ANKFN1: variants seen among roughly 807,000 people sequenced by gnomAD.
The protein encoded by ANKFN1 is ankyrin repeat and fibronectin type-III domain-containing protein 1.
ANKFN1 carries 74 observed loss-of-function variants against 108.7 expected under a neutral mutation model. The ratio of observed to expected loss-of-function variants is 0.68; its 90% confidence interval spans 0.56 to 0.83. The LOEUF is 0.83. Ranked by LOEUF, ANKFN1 falls within the 40% of genes least tolerant of loss-of-function variation. ANKFN1 has a pLI of 0.00. For synonymous variants in ANKFN1, 547 were observed against 516.2 expected (o/e 1.06, Z -0.81); for missense variants, 1,505 against 1,382.3 (o/e 1.09, Z -1.41).
Position 56,166,517 on chromosome 17 carries a change from C to G in ANKFN1, c.-71+12987C>G, listed in dbSNP as rs1300502773. Among the ~76,000 whole-genome samples the G allele has an allele frequency of 2.6e-5, 4 of 152,296 alleles. No homozygotes were observed. The Middle Eastern group carries it at 0.01, about 389-fold the overall frequency. On this transcript the variant is annotated intron_variant, in intron 1 of 20. Coordinates refer to ENST00000682825, the MANE Select transcript of ANKFN1 (RefSeq NM_001370326.1). ...GGTTGCTTCCTGCTCTAACATTCCA[C>G]AATTCTACAGTCTCTTTCCATCTTA... is the stretch of plus-strand genomic sequence containing the variant.
chr17:56,415,253 G>C (rs1287635773), intron 8 of ANKFN1, among the ~76,000 whole-genome samples: 5 of 152,114 alleles, frequency 3.3e-5, no homozygotes, highest in Non-Finnish European at 4.4e-5. Flanking sequence ...AATTGGAAAG[G>C]GAGAAGGCAA....
At chr17:56,258,686 G>A (rs1468952447) in intron 3 of ANKFN1, among the ~76,000 whole-genome samples, 6 of 152,100 alleles carry the variant, frequency 3.9e-5, no homozygotes, top group Non-Finnish European at 8.8e-5. Flanking sequence ...CGAGGCGGGC[G>A]GATCACGAGG....
intron 3 of ANKFN1, among the ~76,000 whole-genome samples, chr17:56,306,442 CAGAG>C (rs1388018889): frequency 2.6e-5 from 4 of 152,116 alleles, no homozygotes; most frequent in Non-Finnish European, 4.4e-5. Context: ...AACAGACAAA[CAGAG>C]AGCCAAATCA....
chr17:56,128,592 CTT>C (rs1907081367), intron 4 of ANKFN1, among the ~76,000 whole-genome samples: 1 of 152,160 alleles, frequency 6.6e-6, no homozygotes, highest in Non-Finnish European at 1.5e-5. Flanking sequence ...ACTGGTGAGA[CTT>C]TTTATAAAAC....
At chr17:56,290,774 C>A (rs1402412952) in intron 3 of ANKFN1, among the ~76,000 whole-genome samples, 2 of 152,136 alleles carry the variant, frequency 1.3e-5, no homozygotes, top group African/African-American at 2.4e-5. Context: ...CTCTTAGTGA[C>A]CCCTCTCATC....
chr17:56,231,996 CT>C (rs1916770945), intron 3 of ANKFN1, among the ~76,000 whole-genome samples: 1 of 152,078 alleles, frequency 6.6e-6, no homozygotes, highest in South Asian at 2.1e-4. Context: ...TTCAAACTTT[CT>C]TTCGCTAACC....
chr17:56,372,461 C>G (rs2046835362), intron 6 of ANKFN1, among the ~76,000 whole-genome samples, 185 bp from the exon 7 acceptor site: 1 of 151,762 alleles, frequency 6.6e-6, no homozygotes, highest in Non-Finnish European at 1.5e-5. Flanking sequence ...ACCACTTAAT[C>G]TGATTGTAAG....
chr17:56,349,843 G>C (rs1372099827), intron 4 of ANKFN1, among the ~76,000 whole-genome samples: 1 of 152,086 alleles, frequency 6.6e-6, no homozygotes, highest in African/African-American at 2.4e-5. Context: ...GAGAACGCTG[G>C]GCCCAGTGCA....
chr17:56,302,281 TG>T (rs1294688130), intron 3 of ANKFN1, among the ~76,000 whole-genome samples: 2 of 152,112 alleles, frequency 1.3e-5, no homozygotes, highest in African/African-American at 4.8e-5. Flanking sequence ...TCCCGTTCCT[TG>T]GGGAGCCTGA....
intron 3 of ANKFN1, among the ~76,000 whole-genome samples, chr17:56,312,767 T>A (rs2045070659): frequency 6.6e-6 from 1 of 152,212 alleles, no homozygotes; most frequent in African/African-American, 2.4e-5. Context: ...AAGGGATGGA[T>A]TCCCTGCTCC....
In ANKFN1 at chr17:56,499,178, G is replaced by A. The variant is rs1410134413; in HGVS notation, c.2644+80G>A. 6.7e-6 allele frequency: 9 copies of A among 1,341,398 alleles called. 1 individual carries two copies. The East Asian group carries it at 2.0e-4, about 30-fold the overall frequency. 83.1% of individuals were successfully genotyped at this position (1,341,398 alleles called of 1,614,324 possible). A position where few individuals can be genotyped will look rare whatever the true frequency, so the allele number is the denominator to read the frequency against. On this transcript the variant is annotated intron_variant, in intron 20 of 20. Transcript: ENST00000682825. ...CTTCACTGATGAGGACTTTTATGCT[G>A]AGGTATTGGTTCCAGAAAGTGGATG...
chr17:56,351,606 A>T (rs2046250265), intron 5 of ANKFN1, among the ~76,000 whole-genome samples: 1 of 152,176 alleles, frequency 6.6e-6, no homozygotes, highest in South Asian at 2.1e-4. Flanking sequence ...ACAATTGGTT[A>T]TAGCATCCCA....
chr17:56,196,658 C>T (rs1221490247), intron 1 of ANKFN1, among the ~76,000 whole-genome samples: 1 of 152,042 alleles, frequency 6.6e-6, no homozygotes, highest in Non-Finnish European at 1.5e-5. Context: ...GGAGGACTGC[C>T]TGAGGCCAGG....
At chr17:56,235,900 G>A (rs958803859) in intron 3 of ANKFN1, among the ~76,000 whole-genome samples, 2 of 152,110 alleles carry the variant, frequency 1.3e-5, no homozygotes, top group Non-Finnish European at 2.9e-5. Flanking sequence ...AAATGTCTTT[G>A]GTAGTTGGAT....
intron 3 of ANKFN1, among the ~76,000 whole-genome samples, chr17:56,295,752 C>T (rs778318842): frequency 2.1e-4 from 32 of 152,190 alleles, no homozygotes; most frequent in Non-Finnish European, 3.2e-4. Context: ...GATCAAGGCA[C>T]GAGCTTCTGG....
intron 3 of ANKFN1, among the ~76,000 whole-genome samples, chr17:56,231,736 C>T (rs952894219): frequency 1.6e-4 from 25 of 152,290 alleles, no homozygotes; most frequent in African/African-American, 5.1e-4. Flanking sequence ...GTAATTGCTA[C>T]TCATATGTTA....
intron 3 of ANKFN1, among the ~76,000 whole-genome samples, chr17:56,310,160 T>C (rs1489961156): frequency 1.3e-5 from 2 of 152,212 alleles, no homozygotes; most frequent in East Asian, 1.9e-4. Flanking sequence ...ATTGAGGTGG[T>C]GCAAGATTTC....
chr17:56,060,321 A>C (rs1247441300), intron 4 of ANKFN1, among the ~76,000 whole-genome samples: 1 of 152,110 alleles, frequency 6.6e-6, no homozygotes, highest in Non-Finnish European at 1.5e-5. Context: ...CAGTTTAAGG[A>C]GTTTTGGGGC....
At chr17:56,346,571 C>G (rs1193145107) in intron 4 of ANKFN1, among the ~76,000 whole-genome samples, 1 of 151,778 alleles carries the variant, frequency 6.6e-6, no homozygotes, top group African/African-American at 2.4e-5. Flanking sequence ...TAAATTTAGC[C>G]ATTTTTCTTG....
Sources: allele counts gnomAD v4.1 joint callset (sites outside exome capture counted in the v4.1 genomes callset), GRCh38; gene constraint gnomAD v4.1.1; transcripts MANE v1.5; gene names NCBI Gene and HGNC (gene_info 2026-07-23, HGNC 2026-07-21).